The following XRCC4 variants were observed in gnomAD, a reference collection of about 807,000 sequenced individuals.
The protein encoded by XRCC4 is DNA repair protein XRCC4.
In XRCC4, 28 loss-of-function variants were observed where a neutral mutation model predicts 39.1. The ratio of observed to expected loss-of-function variants is 0.72; its 90% confidence interval spans 0.53 to 0.98. The LOEUF is 0.98. Among genes scored for constraint, XRCC4 ranks in the 50% least tolerant of loss-of-function variants. The pLI is 0.00. For missense variants in XRCC4, 350 were observed against 376.4 expected, an observed-to-expected ratio of 0.93 and a Z score of 0.58; for synonymous variants, 123 against 126.4, an observed-to-expected ratio of 0.97 and a Z score of 0.18.
intron 6 of XRCC4, among the ~76,000 whole-genome samples, chr5:83,218,613 A>ATGTTT (rs1178019742): frequency 2.4e-4 from 36 of 152,206 alleles, no homozygotes; most frequent in Admixed American, 1.2e-3. Flanking sequence ...TTAAAAAACG[A>ATGTTT]TGTTTTGTTT....
intron 6 of XRCC4, among the ~76,000 whole-genome samples, chr5:83,248,961 C>T (rs942974821): frequency 1.6e-4 from 25 of 152,076 alleles, no homozygotes; most frequent in African/African-American, 6.0e-4. Context: ...TTGGGCAATA[C>T]TTTTTGACCC....
intron 3 of XRCC4, among the ~76,000 whole-genome samples, chr5:83,156,352 A>G (rs1382366): frequency 0.48 from 72,123 of 150,086 alleles, 18,195 homozygotes; most frequent in African/African-American, 0.62. Flanking sequence ...TGTTATTTAG[A>G]GAGAGAGCTG....
chr5:83,099,288 C>G (rs1041682919), intron 1 of XRCC4, among the ~76,000 whole-genome samples: 2 of 151,676 alleles, frequency 1.3e-5, no homozygotes, highest in Admixed American at 6.6e-5. Context: ...CACCTGCAGC[C>G]CAAGCAGCTT....
chr5:83,225,534 G>T (rs1433253987), intron 6 of XRCC4, among the ~76,000 whole-genome samples: 1 of 144,098 alleles, frequency 6.9e-6, no homozygotes, highest in East Asian at 2.2e-4. Context: ...TGGCTAAGTT[G>T]TTAAGGAGAC....
In XRCC4 at chr5:83,258,689, T is replaced by A; in HGVS notation, c.893+12T>A. 6.2e-7 allele frequency: 1 copy of A among 1,608,754 alleles called. No individual in the cohort carries two copies. The highest frequency in any genetic ancestry group is 8.5e-7 in the Non-Finnish European group (1 of 1,178,206). Reference sequence around the variant, plus strand: ...CAAGAAAAGGAAAAGTAAGTCATTTTATTCTTTGCCAAGAAGTGAGATGAC... The same window carrying A: ...CAAGAAAAGGAAAAGTAAGTCATTTAATTCTTTGCCAAGAAGTGAGATGAC... On this transcript the variant is annotated intron_variant, in intron 7 of 7. Transcript: ENST00000396027.
At chr5:83,351,367 T>A (rs1275708669) in intron 7 of XRCC4, among the ~76,000 whole-genome samples, 1 of 152,216 alleles carries the variant, frequency 6.6e-6, no homozygotes, top group Non-Finnish European at 1.5e-5. Context: ...CAGTTTTCCA[T>A]GCACCATTTA....
At chr5:83,171,585 C>A (rs72767169) in intron 3 of XRCC4, among the ~76,000 whole-genome samples, 4,864 of 152,242 alleles carry the variant, frequency 0.032, 126 homozygotes, top group South Asian at 0.12. Flanking sequence ...TACCTAATAG[C>A]TGCCCTGAAG....
chr5:83,335,258 C>G (rs925080592), intron 7 of XRCC4, among the ~76,000 whole-genome samples: 1 of 151,574 alleles, frequency 6.6e-6, no homozygotes, highest in Non-Finnish European at 1.5e-5. Context: ...TATATGGTGG[C>G]CTGATATAGC....
intron 3 of XRCC4, among the ~76,000 whole-genome samples, chr5:83,188,522 A>G (rs896789134): frequency 6.6e-6 from 1 of 152,184 alleles, no homozygotes; most frequent in African/African-American, 2.4e-5. Context: ...GGTGCTTTAT[A>G]AAGAAAAGAG....
chr5:83,160,782 G>A (rs764808041), intron 3 of XRCC4, among the ~76,000 whole-genome samples: 5 of 152,122 alleles, frequency 3.3e-5, no homozygotes, highest in Admixed American at 1.3e-4. Context: ...CCTCAGTGCC[G>A]CAAGAGATAG....
At chr5:83,320,884 T>C (rs1044770197) in intron 7 of XRCC4, among the ~76,000 whole-genome samples, 1 of 145,504 alleles carries the variant, frequency 6.9e-6, no homozygotes, top group Non-Finnish European at 1.5e-5. Flanking sequence ...TGATCTCAGC[T>C]CACTGCAACC....
intron 7 of XRCC4, among the ~76,000 whole-genome samples, chr5:83,287,163 T>A (rs550737155): frequency 6.6e-6 from 1 of 152,190 alleles, no homozygotes; most frequent in African/African-American, 2.4e-5. Context: ...CCTTTTCACA[T>A]CAACATATTT....
At chr5:83,231,806 A>G (rs140926756) in intron 6 of XRCC4, among the ~76,000 whole-genome samples, 1 of 152,238 alleles carries the variant, frequency 6.6e-6, no homozygotes, top group East Asian at 1.9e-4. Flanking sequence ...AAAAGACTCC[A>G]TTCATTCACT....
At chr5:83,267,831 A>G (rs191457877) in intron 7 of XRCC4, among the ~76,000 whole-genome samples, 2 of 152,314 alleles carry the variant, frequency 1.3e-5, no homozygotes, top group East Asian at 1.9e-4. Flanking sequence ...AACAGATTGT[A>G]TAAAACAAAC....
chr5:83,315,839 T>C (rs926504623), intron 7 of XRCC4, among the ~76,000 whole-genome samples: 2 of 152,196 alleles, frequency 1.3e-5, no homozygotes, highest in Non-Finnish European at 1.5e-5. Context: ...TGTGTTTTCA[T>C]GCCTGCTAAC....
rs145690173 is a variant in XRCC4 at position 83,191,648 on chromosome 5, C to T, written c.316-4122C>T. ...CCAGGAGGCAGAGGTTGCAGTGAGC[C>T]GAGATCATGCCACTGTACTCTAGCC... On this transcript the variant is annotated intron_variant, in intron 3 of 7. Coordinates refer to ENST00000396027, the MANE Select transcript of XRCC4 (RefSeq NM_003401.5). Among the ~76,000 whole-genome samples, 447 of 152,114 alleles carry T rather than the reference C, an allele frequency of 2.9e-3. 12 individuals are homozygous for T. In the East Asian group the frequency reaches 0.073, roughly 25 times the overall value.
At chr5:83,158,897 C>A (rs968091489) in intron 3 of XRCC4, among the ~76,000 whole-genome samples, 11 of 152,118 alleles carry the variant, frequency 7.2e-5, no homozygotes, top group African/African-American at 2.7e-4. Context: ...TAATTCTCCT[C>A]TTTCACCTCC....
chr5:83,203,454 A>C, intron 4 of XRCC4, 98 bp from the exon 5 acceptor site: 1 of 1,070,892 alleles, frequency 9.3e-7, no homozygotes, highest in Non-Finnish European at 1.3e-6. Context: ...ATAATCTTTA[A>C]TTGTATTTTC....
chr5:83,193,974 C>T (rs1192316063), intron 3 of XRCC4, among the ~76,000 whole-genome samples: 1 of 152,002 alleles, frequency 6.6e-6, no homozygotes, highest in Non-Finnish European at 1.5e-5. Context: ...CGCTGTATCG[C>T]CCAGGCTGGA....
Sources: gnomAD v4.1 joint callset for allele counts (sites outside exome capture counted in the v4.1 genomes callset) on GRCh38, gnomAD v4.1.1 for gene constraint, MANE v1.5 for transcripts, NCBI Gene and HGNC (gene_info 2026-07-23, HGNC 2026-07-21) for gene names.